SERPINF2: variants seen among roughly 807,000 people sequenced by gnomAD.
The protein encoded by SERPINF2 is alpha-2-antiplasmin.
In SERPINF2, 15 loss-of-function variants were observed where a neutral mutation model predicts 45.0. The observed-to-expected ratio is 0.33, with a 90% CI of 0.22 to 0.51. The LOEUF (loss-of-function observed/expected upper bound fraction) is 0.51. SERPINF2 is among the 20% of genes least tolerant of loss of function. The pLI is 0.97. For synonymous variants in SERPINF2, 283 were observed against 277.9 expected, an observed-to-expected ratio of 1.02 and a Z score of -0.18; for missense variants, 518 against 637.4, an observed-to-expected ratio of 0.81 and a Z score of 2.02.
Position 1,745,964 on chromosome 17 carries a change from A to G in SERPINF2, c.367+55A>G. 6.3e-7 allele frequency: 1 copy of G among 1,584,252 alleles called. No homozygotes were observed. The highest frequency in any genetic ancestry group is 8.7e-7 in the Non-Finnish European group (1 of 1,153,162). On this transcript the variant is annotated intron_variant, in intron 5 of 9. Coordinates refer to ENST00000453066, the MANE Select transcript of SERPINF2 (RefSeq NM_000934.4). The surrounding 1 kb of genome is among the most constrained non-coding windows in gnomAD (Gnocchi z 6.2). ...AGAGCTGGGAGGCCAGTAGGAACTC[A>G]GTACTCCAATGGTTCTCCGCGGGCG... is the stretch of plus-strand genomic sequence containing the variant.
intron 1 of SERPINF2, chr17:1,744,735 A>C (rs1037755157): frequency 6.1e-6 from 6 of 985,426 alleles, no homozygotes; most frequent in Non-Finnish European, 7.2e-6. Flanking sequence ...CTATTCACCA[A>C]AACACCCTCA....
intron 9 of SERPINF2, 64 bp downstream of exon 9, chr17:1,752,854 G>C: frequency 6.9e-7 from 1 of 1,442,152 alleles, no homozygotes; most frequent in Non-Finnish European, 9.5e-7. Flanking sequence ...AGGAGGAAGC[G>C]TCTGGCTGGC....
chr17:1,745,754 G>A lies in SERPINF2; in HGVS notation c.212G>A (p.Ser71Asn), dbSNP rs771043021. 4.3e-6 allele frequency: 7 copies of A among 1,613,964 alleles called. No individual in the cohort carries two copies. In the South Asian group the frequency reaches 7.7e-5, roughly 18 times the overall value. The change falls in exon 5 of 10, where the codon AGC (serine) becomes AAC (asparagine). Residue 71 changes from serine (S) to asparagine (N), a missense_variant. Coordinates refer to ENST00000453066, the MANE Select transcript of SERPINF2 (RefSeq NM_000934.4). This position sits in a 1 kb window ranked among gnomAD's most constrained non-coding sequence, Gnocchi z 6.2. ...TALKSPPGVC[S>N]RDPTPEQTHR... is the part of the protein sequence containing the mutation. ...CTGAAGAGTCCCCCAGGAGTCTGCA[G>A]CAGAGACCCCACCCCAGAGCAGACC...
In SERPINF2 at chr17:1,755,263, G is replaced by A. The variant is rs558758965; in HGVS notation, c.*729G>A. 2 of 152,804 alleles carry A rather than the reference G, an allele frequency of 1.3e-5. No individual in the cohort carries two copies. The highest frequency in any genetic ancestry group is 2.1e-4 in the South Asian group (1 of 4,842). 9.5% of individuals were successfully genotyped at this position (152,804 alleles called of 1,614,324 possible). A position where few individuals can be genotyped will look rare whatever the true frequency, so the allele number is the denominator to read the frequency against. On this transcript the variant is annotated 3_prime_UTR_variant, in exon 10 of 10. Coordinates refer to ENST00000453066, the MANE Select transcript of SERPINF2 (RefSeq NM_000934.4). The surrounding 1 kb of genome is among the most constrained non-coding windows in gnomAD (Gnocchi z 4.2). ...ATGCCACCTGAATAAAGAATGAATGGGCCTGGCTGGTTTGATGTCACCGTT... is the reference window on the plus strand; with the variant it reads ...ATGCCACCTGAATAAAGAATGAATGAGCCTGGCTGGTTTGATGTCACCGTT...
chr17:1,747,854 G>A (rs1041421726), intron 7 of SERPINF2, among the ~76,000 whole-genome samples: 2 of 150,150 alleles, frequency 1.3e-5, no homozygotes, highest in Admixed American at 6.6e-5. Context: ...GTGAGCCACC[G>A]CGCCCGGCCA....
chr17:1,743,738 A>G (rs1355633417), intron 1 of SERPINF2, among the ~76,000 whole-genome samples: 1 of 149,014 alleles, frequency 6.7e-6, no homozygotes, highest in Non-Finnish European at 1.5e-5. Context: ...AAAAAAAAAA[A>G]AGACAGGCTA....
chr17:1,753,504 T>C (rs1906568696), intron 9 of SERPINF2, among the ~76,000 whole-genome samples: 2 of 152,134 alleles, frequency 1.3e-5, no homozygotes, highest in South Asian at 2.1e-4. Flanking sequence ...CTGGCCAACA[T>C]GGCCAAACCC....
chr17:1,754,546 T>C lies in SERPINF2; in HGVS notation c.*12T>C. ...GCAGCCCCAAGTGAGGGGCCGTGGC[T>C]GTGGCATCCAGAGTCCCTGCCTGGA... On this transcript the variant is annotated 3_prime_UTR_variant, in exon 10 of 10. Transcript: ENST00000453066. 6.2e-7 allele frequency: 1 copy of C among 1,604,200 alleles called. No individual in the cohort carries two copies. The highest frequency in any genetic ancestry group is 8.5e-7 in the Non-Finnish European group (1 of 1,179,000).
At position 1,748,769 on chromosome 17, in the gene SERPINF2, C is replaced by T. The variant is rs777591859; in HGVS notation, c.858+29C>T. On this transcript the variant is annotated intron_variant, in intron 8 of 9. Coordinates refer to ENST00000453066, the MANE Select transcript of SERPINF2 (RefSeq NM_000934.4). ...ACCCTTGGTTGTCCAGCAGGCTGGG[C>T]CTGAGGCTGGGAGGTGGGGAAGGGA... 2.6e-6 allele frequency: 3 copies of T among 1,172,668 alleles called. No individual in the cohort carries two copies. In the Admixed American group the frequency reaches 5.0e-5, roughly 20 times the overall value. The allele number at this position is 1,172,668 out of a possible 1,614,324, so 72.6% of individuals were successfully genotyped here.
Position 1,751,871 on chromosome 17 carries a change from C to T in SERPINF2, c.859-715C>T, listed in dbSNP as rs1906430148. ...CGGGCAGCACTCGGCAGTGGCTCAC[C>T]CACAGAACCCAGCTGTGGTATGACA... On this transcript the variant is annotated intron_variant, in intron 8 of 9. Transcript: ENST00000453066. Among the ~76,000 whole-genome samples the T allele has an allele frequency of 2.9e-5, 4 of 139,034 alleles. 1 individual carries two copies. The South Asian group carries it at 7.0e-4, about 25-fold the overall frequency. The allele number at this position is 139,034 out of a possible 152,430, so 91.2% of individuals were successfully genotyped here.
rs1375486832 is a variant in SERPINF2 at position 1,745,091 on chromosome 17, G to T, written c.63+33G>T. ...TGGGCTGAAGTCAAGGTGGGGTGGG[G>T]TGGAGGGGGAAGAAGAGGGGCGTTG... On this transcript the variant is annotated intron_variant, in intron 2 of 9. Coordinates refer to ENST00000453066, the MANE Select transcript of SERPINF2 (RefSeq NM_000934.4). This position sits in a 1 kb window ranked among gnomAD's most constrained non-coding sequence, Gnocchi z 6.2. 1.2e-6 allele frequency: 2 copies of T among 1,610,648 alleles called. No individual in the cohort carries two copies. Among genetic ancestry groups the T allele is most frequent in the African/African-American group, 1.3e-5 (1 of 74,986 alleles).
In SERPINF2 at chr17:1,748,707, G is replaced by A; in HGVS notation, c.825G>A (p.Leu275=). The change falls in exon 8 of 10, where the codon CTG becomes CTA. Residue 275 remains leucine (L), a synonymous_variant. Coordinates refer to ENST00000453066, the MANE Select transcript of SERPINF2 (RefSeq NM_000934.4). ...VEMMQARTYP[L]RWFLLEQPEI... ...TGATGCAGGCCCGCACGTACCCGCT[G>A]CGCTGGTTCTTGCTGGAGCAGCCTG... 1 of 1,556,442 alleles carries A rather than the reference G, an allele frequency of 6.4e-7. No homozygotes were observed. Among genetic ancestry groups the A allele is most frequent in the Non-Finnish European group, 8.9e-7 (1 of 1,127,432 alleles).
Position 1,754,700 on chromosome 17 carries a change from G to T in SERPINF2, c.*166G>T. On this transcript the variant is annotated 3_prime_UTR_variant, in exon 10 of 10. Transcript: ENST00000453066. ...GAGTTTAGGGTGGGGGGGGGGCGCG[G>T]CTGGGAGGAGGGCAGGCATCGGGGA... 2 of 498,260 alleles carry T rather than the reference G, an allele frequency of 4.0e-6. No homozygotes were observed. Among genetic ancestry groups the T allele is most frequent in the South Asian group, 2.3e-5 (1 of 44,032 alleles). 30.9% of individuals were successfully genotyped at this position (498,260 alleles called of 1,614,324 possible). A position where few individuals can be genotyped will look rare whatever the true frequency, so the allele number is the denominator to read the frequency against.
At position 1,745,440 on chromosome 17, in the gene SERPINF2, A is replaced by G. The variant is rs773006360; in HGVS notation, c.165+45A>G. On this transcript the variant is annotated intron_variant, in intron 4 of 9. Transcript: ENST00000453066. The surrounding 1 kb of genome is among the most constrained non-coding windows in gnomAD (Gnocchi z 6.2). ...GGGAAGAGTGGGCGGGGCTAGAGGG[A>G]GGAGGGCCCATCGGCAGGGGTCGGG... is the stretch of plus-strand genomic sequence containing the variant. The G allele has an allele frequency of 2.7e-6, 1 of 371,274 alleles. No homozygotes were observed. The highest frequency in any genetic ancestry group is 3.8e-6 in the Non-Finnish European group (1 of 261,880). 23.0% of individuals were successfully genotyped at this position (371,274 alleles called of 1,614,324 possible).
intron 8 of SERPINF2, among the ~76,000 whole-genome samples, chr17:1,751,450 GAAAA>G (rs757827355): frequency 1.2e-5 from 1 of 86,054 alleles, no homozygotes; most frequent in African/African-American, 3.9e-5. Flanking sequence ...ACTCTGTCTT[GAAAA>G]AAAAAAAAAA....
intron 8 of SERPINF2, among the ~76,000 whole-genome samples, chr17:1,751,874 C>T (rs1263956567): frequency 1.4e-5 from 2 of 139,112 alleles, no homozygotes; most frequent in African/African-American, 4.9e-5. Context: ...GGCTCACCCA[C>T]AGAACCCAGC....
chr17:1,752,492 G>T, intron 8 of SERPINF2, 94 bp from the exon 9 acceptor site: 1 of 1,094,358 alleles, frequency 9.1e-7, no homozygotes. Flanking sequence ...ATGGCCAGGA[G>T]CCCCATTGTC....
chr17:1,746,032 A>G, intron 5 of SERPINF2, 123 bp downstream of exon 5: 3 of 1,110,694 alleles, frequency 2.7e-6, no homozygotes, highest in Non-Finnish European at 4.1e-6. Flanking sequence ...AAAAATGCAG[A>G]TTCCTAGGCC....
Position 1,747,476 on chromosome 17 carries a change from AC to A in SERPINF2, c.681del (p.Val228CysfsTer40). 1 of 1,614,048 alleles carries A rather than the reference AC, an allele frequency of 6.2e-7. No homozygotes were observed. Among genetic ancestry groups the A allele is most frequent in the Non-Finnish European group, 8.5e-7 (1 of 1,180,016 alleles). On this transcript the variant is annotated frameshift_variant, in exon 7 of 10. Coordinates refer to ENST00000453066, the MANE Select transcript of SERPINF2 (RefSeq NM_000934.4). LOFTEE classifies it high-confidence loss of function. ...ATTCCTCTCTGGGCTGCCGGAAGACACCGTGTTGCTTCTCCTCAACGCCATC... is the reference window on the plus strand; with the variant it reads ...ATTCCTCTCTGGGCTGCCGGAAGACACGTGTTGCTTCTCCTCAACGCCATC... Reference protein sequence around the residue: ...QEFLSGLPEDTVLLLLNAIHF... With the variant: ...QEFLSGLPEDXVLLLLNAIHF...
Sources: allele counts gnomAD v4.1 joint callset (sites outside exome capture counted in the v4.1 genomes callset), GRCh38; gene constraint gnomAD v4.1.1; non-coding constraint Gnocchi (gnomAD v3.1); transcripts MANE v1.5; gene names NCBI Gene and HGNC (gene_info 2026-07-23, HGNC 2026-07-21).